SNTB1: variants seen among roughly 807,000 people sequenced by gnomAD.
SNTB1 encodes the protein beta-1-syntrophin.
SNTB1 carries 36 observed loss-of-function variants against 48.9 expected under a neutral mutation model. That is an observed-to-expected ratio of 0.74 (90% CI 0.56 to 0.97). SNTB1 has a LOEUF of 0.97. Among genes scored for constraint, SNTB1 ranks in the 50% least tolerant of loss-of-function variants. SNTB1 has a pLI of 0.00. For missense variants in SNTB1, 786 were observed against 703.4 expected, an observed-to-expected ratio of 1.12 and a Z score of -1.33; for synonymous variants, 299 against 294.6, an observed-to-expected ratio of 1.01 and a Z score of -0.15.
chr8:120,661,201 A>G (rs189386280), intron 2 of SNTB1, among the ~76,000 whole-genome samples: 309 of 152,308 alleles, frequency 2.0e-3, no homozygotes, highest in Non-Finnish European at 3.4e-3. Context: ...TTGTTAAAAA[A>G]AAAAAAGAGT....
At chr8:120,691,375 A>G (rs1818124938) in intron 2 of SNTB1, among the ~76,000 whole-genome samples, 1 of 152,356 alleles carries the variant, frequency 6.6e-6, no homozygotes, top group Admixed American at 6.5e-5. Context: ...TATAACAGCT[A>G]TATAATGTTG....
At chr8:120,712,414 C>CA (rs370583854) in intron 1 of SNTB1, among the ~76,000 whole-genome samples, 21,113 of 80,544 alleles carry the variant, frequency 0.26, 2,701 homozygotes, top group East Asian at 0.62. Flanking sequence ...GACTCCATCT[C>CA]AAAAAAAAAA....
At chr8:120,705,174 G>C (rs887938656) in intron 1 of SNTB1, among the ~76,000 whole-genome samples, 1 of 152,168 alleles carries the variant, frequency 6.6e-6, no homozygotes, top group African/African-American at 2.4e-5. Flanking sequence ...AAAGAGTGAC[G>C]TGCATAAACT....
At chr8:120,640,985 G>A (rs774028010) in intron 2 of SNTB1, among the ~76,000 whole-genome samples, 5 of 152,100 alleles carry the variant, frequency 3.3e-5, no homozygotes, top group Non-Finnish European at 7.4e-5. Context: ...GTAGAATTCG[G>A]CTGTGAATCC....
chr8:120,692,748 T>C (rs1818149801), intron 2 of SNTB1, among the ~76,000 whole-genome samples: 1 of 152,190 alleles, frequency 6.6e-6, no homozygotes, highest in South Asian at 2.1e-4. Context: ...AACTCTCATC[T>C]AACCCTCCAA....
chr8:120,795,743 TC>T (rs889241862), intron 1 of SNTB1, among the ~76,000 whole-genome samples: 85 of 152,066 alleles, frequency 5.6e-4, no homozygotes, highest in African/African-American at 2.0e-3. Context: ...CAGGTTTGGT[TC>T]CTTCTGAAGA....
At chr8:120,703,010 TG>T (rs1358182938) in intron 1 of SNTB1, among the ~76,000 whole-genome samples, 5 of 152,240 alleles carry the variant, frequency 3.3e-5, no homozygotes, top group Non-Finnish European at 5.9e-5. Context: ...TACTCATTAC[TG>T]TCAGAAAAAA....
intron 3 of SNTB1, among the ~76,000 whole-genome samples, chr8:120,620,382 A>G (rs1473126117): frequency 6.6e-6 from 1 of 152,166 alleles, no homozygotes; most frequent in East Asian, 1.9e-4. Flanking sequence ...TATTTTTTAA[A>G]AACTTGTCAA....
At chr8:120,590,059 C>T (rs532580192) in intron 3 of SNTB1, among the ~76,000 whole-genome samples, 2 of 152,326 alleles carry the variant, frequency 1.3e-5, no homozygotes, top group East Asian at 3.9e-4. Flanking sequence ...CCATTAGCCT[C>T]AGTCAATATC....
chr8:120,777,408 A>G (rs139717199), intron 1 of SNTB1, among the ~76,000 whole-genome samples: 3 of 152,266 alleles, frequency 2.0e-5, no homozygotes, highest in Admixed American at 6.5e-5. Context: ...ATTGATAGCT[A>G]TAGAGAGGAG....
chr8:120,594,024 A>T (rs1472271508), intron 3 of SNTB1, among the ~76,000 whole-genome samples: 1 of 152,092 alleles, frequency 6.6e-6, no homozygotes, highest in African/African-American at 2.4e-5. Context: ...TATATGTAAC[A>T]TATCTCTTCT....
chr8:120,579,248 C>T (rs550867441), intron 3 of SNTB1, among the ~76,000 whole-genome samples: 5 of 152,296 alleles, frequency 3.3e-5, no homozygotes, highest in African/African-American at 4.8e-5. Flanking sequence ...AGACTTTATA[C>T]GGGGTTGCCT....
chr8:120,808,563 C>T (rs1228336192), intron 1 of SNTB1, among the ~76,000 whole-genome samples: 1 of 152,174 alleles, frequency 6.6e-6, no homozygotes, highest in African/African-American at 2.4e-5. Flanking sequence ...CTACTTCCAG[C>T]GGATATTTGA....
At chr8:120,550,945 G>T (rs140044852) in intron 4 of SNTB1, among the ~76,000 whole-genome samples, 1 of 152,136 alleles carries the variant, frequency 6.6e-6, no homozygotes, top group South Asian at 2.1e-4. Flanking sequence ...AAGTGTTTAA[G>T]CTTTAATTAC....
intron 3 of SNTB1, among the ~76,000 whole-genome samples, chr8:120,609,644 T>C (rs1043232018): frequency 2.6e-5 from 4 of 152,214 alleles, no homozygotes; most frequent in African/African-American, 9.7e-5. Context: ...AAATAGTTTT[T>C]ACAATGAGTA....
At chr8:120,746,688 T>A (rs969101345) in intron 1 of SNTB1, among the ~76,000 whole-genome samples, 7 of 152,250 alleles carry the variant, frequency 4.6e-5, no homozygotes, top group Non-Finnish European at 7.3e-5. Context: ...TTTACTATGA[T>A]ATCAAGATGA....
intron 1 of SNTB1, among the ~76,000 whole-genome samples, chr8:120,697,530 A>T (rs7836660): frequency 0.26 from 39,338 of 152,110 alleles, 5,538 homozygotes; most frequent in Middle Eastern, 0.37. Context: ...TCAAAACTGG[A>T]TTAAGGAAAT....
intron 3 of SNTB1, among the ~76,000 whole-genome samples, chr8:120,609,083 G>A (rs1241257811): frequency 6.6e-6 from 1 of 152,198 alleles, no homozygotes; most frequent in Non-Finnish European, 1.5e-5. Flanking sequence ...GGTCACATAT[G>A]TGTCTAAACA....
At chr8:120,636,316 T>C (rs1817076045) in intron 2 of SNTB1, among the ~76,000 whole-genome samples, 1 of 148,700 alleles carries the variant, frequency 6.7e-6, no homozygotes, top group Non-Finnish European at 1.5e-5. Flanking sequence ...TATGTATACA[T>C]GTGCCATGCT....
Sources: gnomAD v4.1 joint callset for allele counts (sites outside exome capture counted in the v4.1 genomes callset) on GRCh38, gnomAD v4.1.1 for gene constraint, MANE v1.5 for transcripts, NCBI Gene and HGNC (gene_info 2026-07-23, HGNC 2026-07-21) for gene names.